Variants in CENATAC observed in about 807,000 individuals in gnomAD.
The protein encoded by CENATAC is centrosomal AT-AC splicing factor.
Under a neutral mutation model 53.7 loss-of-function variants are expected in CENATAC, and 53 were observed. The observed-to-expected ratio is 0.99, with a 90% CI of 0.79 to 1.24. CENATAC has a LOEUF of 1.24. Among genes scored for constraint, CENATAC ranks in the 50% most tolerant of loss-of-function variants. The probability of loss-of-function intolerance (pLI) is 0.00; values close to 1 mark genes in which losing one functional copy is unlikely to be tolerated. For missense variants in CENATAC, 474 were observed against 417.8 expected, an observed-to-expected ratio of 1.13 and a Z score of -1.17; for synonymous variants, 156 against 144.6, an observed-to-expected ratio of 1.08 and a Z score of -0.57.
Position 119,015,342 on chromosome 11 carries a change from C to G in CENATAC, c.841C>G (p.Arg281Gly). 1.2e-6 allele frequency: 2 copies of G among 1,613,922 alleles called. No individual in the cohort carries two copies. Among genetic ancestry groups the G allele is most frequent in the Non-Finnish European group, 1.7e-6 (2 of 1,179,942 alleles). ...KQKLKKLPPD[R>G]VGANFDHSSR... is the part of the protein sequence containing the mutation. ...GAAGTTGAAAAAACTCCCCCCAGAC[C>G]GAGTTGGGGCCAACTTTGATCACAG... Residue 281 changes from arginine (R) to glycine (G), a missense_variant, in exon 10 of 11, where the codon CGA (arginine) becomes GGA (glycine). Arg to Gly is a moderately radical substitution (Grantham distance 125). Coordinates refer to ENST00000334418, the MANE Select transcript of CENATAC (RefSeq NM_198489.3).
At chr11:119,001,951 C>T (rs1942319092) in intron 3 of CENATAC, 2 of 229,164 alleles carry the variant, frequency 8.7e-6, no homozygotes, top group African/African-American at 2.3e-5. Context: ...TGGCCATGCT[C>T]AGTGGCTGAC....
At position 119,011,283 on chromosome 11, in the gene CENATAC, G is replaced by A; in HGVS notation, c.513G>A (p.Glu171=). Residue 171 remains glutamate, a splice_region_variant and synonymous_variant, in exon 5 of 11, where the codon GAG becomes GAA. Coordinates refer to ENST00000334418, the MANE Select transcript of CENATAC (RefSeq NM_198489.3). ...SRQEVVRSVL[E]PQAVPDPEEG... ...AGGAGGTGGTTCGGTCTGTCTTAGA[G>A]GTTGGTTTCCCTCGGAGGATCCAGA... 16 of 1,614,014 alleles carry A rather than the reference G, an allele frequency of 9.9e-6. No homozygotes were observed. The highest frequency in any genetic ancestry group is 1.3e-5 in the Non-Finnish European group (15 of 1,179,930).
chr11:119,002,326 T>C (rs1010120608), intron 3 of CENATAC, among the ~76,000 whole-genome samples: 17 of 148,414 alleles, frequency 1.1e-4, no homozygotes, highest in Middle Eastern at 3.4e-3. Flanking sequence ...TTAGAGTTGA[T>C]AGGAATAGAA....
intron 2 of CENATAC, 37 bp downstream of exon 2, chr11:118,998,630 G>T: frequency 1.9e-6 from 3 of 1,547,434 alleles, no homozygotes; most frequent in Non-Finnish European, 2.6e-6. Context: ...CAGCACAGAC[G>T]CATACATATA....
At chr11:119,012,055 T>C (rs1452703608) in intron 6 of CENATAC, 52 bp downstream of exon 6, 2 of 1,613,732 alleles carry the variant, frequency 1.2e-6, no homozygotes, top group African/African-American at 2.7e-5. Context: ...TAGAACATTC[T>C]GCAACCTTTT....
Position 119,011,396 on chromosome 11 carries a change from C to T in CENATAC, c.513+113C>T, listed in dbSNP as rs376507196. ...CTTCTTCTTCTTTTTTTTTTGGAGA[C>T]AGAGTTTCGCTGTGTCACCCAGGCT... On this transcript the variant is annotated intron_variant, in intron 5 of 10. Transcript: ENST00000334418. 1,015 of 989,892 alleles carry T rather than the reference C, an allele frequency of 1.0e-3. 22 individuals are homozygous for T. In the South Asian group the frequency reaches 0.014, roughly 14 times the overall value. The allele number at this position is 989,892 out of a possible 1,614,324, so 61.3% of individuals were successfully genotyped here.
intron 7 of CENATAC, chr11:119,012,499 C>T (rs1446254717): frequency 1.4e-5 from 6 of 419,752 alleles, no homozygotes; most frequent in African/African-American, 1.2e-4. Context: ...ATAGTTCCAA[C>T]TCAACACAGG....
rs1942113654 is a variant in CENATAC at position 118,998,317 on chromosome 11, G to C, written c.120G>C (p.Gln40His). The change falls in exon 1 of 11, where the codon CAG becomes CAC. Residue 40 changes from glutamine (Q) to histidine (H), a missense_variant and splice_region_variant. Transcript: ENST00000334418. Reference sequence around the variant, plus strand: ...AGGCTTTGGAGAGGCTCCTGCCCCAGGTGCGGAGGCAAGGCTAGAGATGGG... The same window carrying C: ...AGGCTTTGGAGAGGCTCCTGCCCCACGTGCGGAGGCAAGGCTAGAGATGGG... Reference protein sequence around the residue: ...LKEALERLLPQVEAARKAIRA... With the variant: ...LKEALERLLPHVEAARKAIRA... 2.5e-6 allele frequency: 4 copies of C among 1,610,018 alleles called. No homozygotes were observed. Among genetic ancestry groups the C allele is most frequent in the Non-Finnish European group, 3.4e-6 (4 of 1,178,314 alleles).
intron 3 of CENATAC, 116 bp downstream of exon 3, chr11:118,999,225 G>C: frequency 1.4e-6 from 1 of 726,526 alleles, no homozygotes; most frequent in South Asian, 1.6e-5. Context: ...AGAATCTGCT[G>C]TCTTCATAGC....
chr11:119,011,735 C>T (rs1271059610), intron 5 of CENATAC, among the ~76,000 whole-genome samples: 1 of 143,992 alleles, frequency 6.9e-6, no homozygotes, highest in East Asian at 2.4e-4. Context: ...ATTCCCTTAC[C>T]TGTGTGCCAG....
rs1354829780 is a variant in CENATAC, at chr11:119,012,479, T to C, written c.684+225T>C. ...GTGCCAACTCCTAAATCTTGCCCTC[T>C]GTAGAACTCATAGTTCCAACTCAAC... On this transcript the variant is annotated intron_variant, in intron 7 of 10. Transcript: ENST00000334418. 4 of 472,976 alleles carry C rather than the reference T, an allele frequency of 8.5e-6. No individual in the cohort carries two copies. In the East Asian group the frequency reaches 1.1e-4, roughly 13 times the overall value. The allele number at this position is 472,976 out of a possible 1,614,324, so 29.3% of individuals were successfully genotyped here. A position where few individuals can be genotyped will look rare whatever the true frequency, so the allele number is the denominator to read the frequency against.
At position 119,015,614 on chromosome 11, in the gene CENATAC, A is replaced by G; in HGVS notation, c.*16A>G. On this transcript the variant is annotated 3_prime_UTR_variant, in exon 11 of 11. Coordinates refer to ENST00000334418, the MANE Select transcript of CENATAC (RefSeq NM_198489.3). ...AAAAAGCTAATCATGCTCTCTACCAACTACCATGAGGCTAAAAGCAAAGTC... is the reference window on the plus strand; with the variant it reads ...AAAAAGCTAATCATGCTCTCTACCAGCTACCATGAGGCTAAAAGCAAAGTC... 1.9e-6 allele frequency: 3 copies of G among 1,613,756 alleles called. No individual in the cohort carries two copies. The highest frequency in any genetic ancestry group is 2.5e-6 in the Non-Finnish European group (3 of 1,179,754).
At chr11:119,010,312 G>A (rs2134559870) in intron 3 of CENATAC, 1 of 157,358 alleles carries the variant, frequency 6.4e-6, no homozygotes, top group East Asian at 1.9e-4. Context: ...TGGGATTGGA[G>A]GTGAGAGTAG....
chr11:119,013,900 A>G (rs1225369945), intron 8 of CENATAC, among the ~76,000 whole-genome samples: 1 of 152,222 alleles, frequency 6.6e-6, no homozygotes. Flanking sequence ...GTTCAACATT[A>G]GTCATTAGAG....
intron 2 of CENATAC, 105 bp from the exon 3 acceptor site, chr11:118,998,906 C>A: frequency 1.2e-6 from 1 of 855,286 alleles, no homozygotes; most frequent in Non-Finnish European, 1.9e-6. Context: ...CAGCCGTGCC[C>A]CAGGCAGAAA....
intron 7 of CENATAC, chr11:119,012,854 T>C (rs183815215): frequency 7.2e-5 from 14 of 193,822 alleles, no homozygotes; most frequent in Admixed American, 1.1e-4. Flanking sequence ...AAAAGGCTTA[T>C]CTGAACAGGT....
rs1942830272 is a variant in CENATAC, at chr11:119,010,751, CTTTTCT to C, written c.384-8_384-3del. On this transcript the variant is annotated splice_polypyrimidine_tract_variant and splice_region_variant and intron_variant, in intron 3 of 10. Transcript: ENST00000334418. ...GAATGGGTTCTGGGTGGTTTTGCCC[CTTTTCT>C]TTTTAGATTCAAGAAATCCATGGTG... 6.2e-7 allele frequency: 1 copy of C among 1,613,594 alleles called. No individual in the cohort carries two copies. The highest frequency in any genetic ancestry group is 1.1e-5 in the South Asian group (1 of 91,056).
Position 119,015,587 on chromosome 11 carries a change from GA to G in CENATAC, c.994del (p.Ser332AlafsTer10), listed in dbSNP as rs1377864648. On this transcript the variant is annotated frameshift_variant, in exon 11 of 11. Coordinates refer to ENST00000334418, the MANE Select transcript of CENATAC (RefSeq NM_198489.3). LOFTEE classifies it high-confidence loss of function. ...AAAMKKQSHTEKS is the reference protein window; with the variant it reads ...AAAMKKQSHTXKS ...AGCAATGAAGAAGCAGTCACATACA[GA>G]AAAAAGCTAATCATGCTCTCTACCA... 2 of 1,614,060 alleles carry G rather than the reference GA, an allele frequency of 1.2e-6. No individual in the cohort carries two copies. The highest frequency in any genetic ancestry group is 3.3e-5 in the Admixed American group (2 of 60,010).
chr11:119,012,904 C>T (rs994945107), intron 7 of CENATAC: 7 of 268,450 alleles, frequency 2.6e-5, no homozygotes, highest in Admixed American at 5.2e-5. Context: ...TGTAAAGTTG[C>T]AAATGTAATT....
Sources: gnomAD v4.1 joint callset for allele counts (sites outside exome capture counted in the v4.1 genomes callset) on GRCh38, gnomAD v4.1.1 for gene constraint, MANE v1.5 for transcripts, NCBI Gene and HGNC (gene_info 2026-07-23, HGNC 2026-07-21) for gene names.